The following PDZD2 variants were observed in gnomAD, a reference collection of about 807,000 sequenced individuals.
PDZD2 encodes PDZ domain-containing protein 2.
PDZD2 carries 90 observed loss-of-function variants against 220.7 expected under a neutral mutation model. That is an observed-to-expected ratio of 0.41 (90% CI 0.34 to 0.49). PDZD2 has a LOEUF of 0.49. Ranked by LOEUF, PDZD2 falls within the 20% of genes least tolerant of loss-of-function variation. PDZD2 has a pLI of 0.28. For missense variants in PDZD2, 3,174 were observed against 3,608.5 expected (o/e 0.88, Z 3.08); for synonymous variants, 1,375 against 1,450.5 (o/e 0.95, Z 1.18).
At chr5:31,843,006 C>A (rs554545782) in intron 2 of PDZD2, among the ~76,000 whole-genome samples, 1 of 151,952 alleles carries the variant, frequency 6.6e-6, no homozygotes, top group East Asian at 2.0e-4. Flanking sequence ...CTCAGCCTCC[C>A]GAGTAGCTGC....
At chr5:31,822,610 CA>C in intron 2 of PDZD2, 1 of 1,276,802 alleles carries the variant, frequency 7.8e-7, no homozygotes, top group Non-Finnish European at 1.1e-6. Context: ...AGATACCATC[CA>C]AAAATTTCCT....
At chr5:32,018,238 G>A (rs1753924057) in intron 6 of PDZD2, among the ~76,000 whole-genome samples, 1 of 152,226 alleles carries the variant, frequency 6.6e-6, no homozygotes, top group African/African-American at 2.4e-5. Flanking sequence ...GTGGAGTAGG[G>A]CCCAGGAGTC....
intron 2 of PDZD2, among the ~76,000 whole-genome samples, chr5:31,817,906 C>T (rs559527577): frequency 2.0e-5 from 3 of 152,020 alleles, no homozygotes; most frequent in African/African-American, 4.8e-5. Flanking sequence ...TCAGGTGATC[C>T]GCCTGCCTTG....
Position 31,701,342 on chromosome 5 carries a change from G to A in PDZD2, c.-361+61905G>A, listed in dbSNP as rs572874992. Among the ~76,000 whole-genome samples the A allele has an allele frequency of 4.6e-5, 7 of 152,148 alleles. No homozygotes were observed. In the East Asian group the frequency reaches 9.7e-4, roughly 21 times the overall value. Reference sequence around the variant, plus strand: ...CCCCTAAATAGCCGGGCTTCCATGCGTGTGCCACCATGCCCAGCTAATTTT... The same window carrying A: ...CCCCTAAATAGCCGGGCTTCCATGCATGTGCCACCATGCCCAGCTAATTTT... On this transcript the variant is annotated intron_variant, in intron 1 of 24. Coordinates refer to ENST00000438447, the MANE Select transcript of PDZD2 (RefSeq NM_178140.4).
intron 1 of PDZD2, among the ~76,000 whole-genome samples, chr5:31,697,025 G>A (rs904100394): frequency 6.6e-6 from 1 of 152,216 alleles, no homozygotes; most frequent in African/African-American, 2.4e-5. Flanking sequence ...ATTTAATTGT[G>A]CTCATAGGGG....
chr5:31,872,238 G>A (rs1430676350), intron 2 of PDZD2, among the ~76,000 whole-genome samples: 1 of 151,882 alleles, frequency 6.6e-6, no homozygotes, highest in African/African-American at 2.4e-5. Context: ...GAAGGTGGTA[G>A]GGCAGTCTAG....
intron 1 of PDZD2, among the ~76,000 whole-genome samples, chr5:31,682,196 G>C (rs4312896): frequency 2.6e-5 from 4 of 152,076 alleles, no homozygotes; most frequent in Non-Finnish European, 4.4e-5. Context: ...CCCACGGGGA[G>C]GGGGAGAGCT....
intron 2 of PDZD2, among the ~76,000 whole-genome samples, chr5:31,816,671 A>G (rs1755477602): frequency 6.6e-6 from 1 of 152,206 alleles, no homozygotes; most frequent in South Asian, 2.1e-4. Flanking sequence ...TAGAGGAGCT[A>G]TATGTTAAAA....
At chr5:31,764,329 C>T (rs367887035) in intron 1 of PDZD2, among the ~76,000 whole-genome samples, 2 of 152,228 alleles carry the variant, frequency 1.3e-5, no homozygotes, top group African/African-American at 4.8e-5. Flanking sequence ...CCTTCACGCC[C>T]CTTCATCTTT....
chr5:31,804,088 C>T lies in PDZD2; in HGVS notation c.476+4364C>T, dbSNP rs531300895. Among the ~76,000 whole-genome samples, 11 of 151,472 alleles carry T rather than the reference C, an allele frequency of 7.3e-5. 1 individual carries two copies. Among genetic ancestry groups the T allele is most frequent in the Admixed American group, 3.3e-4 (5 of 15,206 alleles). On this transcript the variant is annotated intron_variant, in intron 2 of 24. Transcript: ENST00000438447. ...AGAAAATAAGAACATATAATGAAAA[C>T]GCTGGGCTTCTGGAAACCTTTCACA...
chr5:32,014,474 A>G (rs1367105707), intron 6 of PDZD2, among the ~76,000 whole-genome samples: 1 of 152,106 alleles, frequency 6.6e-6, no homozygotes, highest in Non-Finnish European at 1.5e-5. Context: ...AAACCCCACA[A>G]TCATTTGCAT....
At chr5:31,969,666 A>G (rs1447239267) in intron 2 of PDZD2, among the ~76,000 whole-genome samples, 5 of 152,000 alleles carry the variant, frequency 3.3e-5, no homozygotes, top group Non-Finnish European at 5.9e-5. Context: ...AGTGATGAAA[A>G]TGTCCTAAAC....
chr5:31,829,847 G>T (rs1756457653), intron 2 of PDZD2, among the ~76,000 whole-genome samples: 2 of 151,824 alleles, frequency 1.3e-5, no homozygotes, highest in Admixed American at 6.6e-5. Flanking sequence ...GAGGTCAGGA[G>T]TTCAACCTGG....
At chr5:31,892,916 T>C (rs1293171751) in intron 2 of PDZD2, among the ~76,000 whole-genome samples, 3 of 151,974 alleles carry the variant, frequency 2.0e-5, no homozygotes, top group African/African-American at 7.3e-5. Flanking sequence ...TGGAGACAGG[T>C]GTGTAGACAC....
intron 1 of PDZD2, among the ~76,000 whole-genome samples, chr5:31,727,566 G>T (rs995457552): frequency 6.6e-6 from 1 of 151,996 alleles, no homozygotes; most frequent in African/African-American, 2.4e-5. Context: ...CGGACATGGT[G>T]GTGGGCACCT....
intron 2 of PDZD2, among the ~76,000 whole-genome samples, chr5:31,980,070 A>G (rs779652917): frequency 1.4e-4 from 22 of 152,228 alleles, no homozygotes; most frequent in Non-Finnish European, 2.8e-4. Context: ...ACATATTCAC[A>G]TAACAGAAAA....
chr5:31,910,138 C>A (rs1220211884), intron 2 of PDZD2, among the ~76,000 whole-genome samples: 2 of 151,744 alleles, frequency 1.3e-5, no homozygotes, highest in African/African-American at 4.8e-5. Context: ...AAATAACTTA[C>A]CTATGCGCTC....
In PDZD2 at chr5:31,673,829, G is replaced by A. The variant is rs529985170; in HGVS notation, c.-361+34392G>A. ...CTACTAAAAATACAAAAATTAGCTG[G>A]GTGTGGTGGTGCACACCTGTAATCC... is the stretch of plus-strand genomic sequence containing the variant. On this transcript the variant is annotated intron_variant, in intron 1 of 24. Coordinates refer to ENST00000438447, the MANE Select transcript of PDZD2 (RefSeq NM_178140.4). 5.3e-5 allele frequency among the ~76,000 whole-genome samples: 8 copies of A among 152,186 alleles called. No individual in the cohort carries two copies. In the East Asian group the frequency reaches 1.6e-3, roughly 30 times the overall value.
chr5:32,011,435 C>G (rs564849544), intron 6 of PDZD2, among the ~76,000 whole-genome samples: 1 of 151,980 alleles, frequency 6.6e-6, no homozygotes, highest in East Asian at 1.9e-4. Flanking sequence ...AGAGGTCAAG[C>G]CTTCAGTGAG....
Sources: allele counts gnomAD v4.1 joint callset (sites outside exome capture counted in the v4.1 genomes callset), GRCh38; gene constraint gnomAD v4.1.1; transcripts MANE v1.5; gene names NCBI Gene and HGNC (gene_info 2026-07-23, HGNC 2026-07-21).